NSUN3: variants seen among roughly 807,000 people sequenced by gnomAD.
NSUN3 encodes the protein NOP2/Sun RNA methyltransferase 3, also known as tRNA (cytosine(34)-C(5))-methyltransferase, mitochondrial.
NSUN3 carries 24 observed loss-of-function variants against 36.8 expected under a neutral mutation model. The observed-to-expected ratio is 0.65, with a 90% CI of 0.47 to 0.92. The LOEUF (loss-of-function observed/expected upper bound fraction) is 0.92, where lower values mean the gene tolerates loss of function less well. Ranked by LOEUF, NSUN3 falls within the 40% of genes least tolerant of loss-of-function variation. The pLI is 0.00. For missense variants in NSUN3, 381 were observed against 392.8 expected, an observed-to-expected ratio of 0.97 and a Z score of 0.25; for synonymous variants, 146 against 145.2, an observed-to-expected ratio of 1.01 and a Z score of -0.04.
At chr3:94,079,575 G>T (rs1424334242) in intron 2 of NSUN3, among the ~76,000 whole-genome samples, 1 of 152,102 alleles carries the variant, frequency 6.6e-6, no homozygotes, top group Admixed American at 6.5e-5. Context: ...ATCAAATGTA[G>T]ATTTGGTCTT....
rs1166005167 is a variant in NSUN3, at chr3:94,127,699, CTT to C, written c.*1211_*1212del. ...GAAAATAGCCTTTAAAAAAAAACAACTTTATCTGATTATAGAAATACAAAATT... is the reference window on the plus strand; with the variant it reads ...GAAAATAGCCTTTAAAAAAAAACAACTATCTGATTATAGAAATACAAAATT... On this transcript the variant is annotated 3_prime_UTR_variant, in exon 6 of 6. Coordinates refer to ENST00000314622, the MANE Select transcript of NSUN3 (RefSeq NM_022072.5). 1 of 151,988 alleles carries C rather than the reference CTT, an allele frequency of 6.6e-6. No homozygotes were observed. Among genetic ancestry groups the C allele is most frequent in the East Asian group, 1.9e-4 (1 of 5,188 alleles). The allele number at this position is 151,988 out of a possible 1,614,324, so 9.4% of individuals were successfully genotyped here.
intron 5 of NSUN3, among the ~76,000 whole-genome samples, chr3:94,097,075 G>A (rs569131057): frequency 4.6e-5 from 7 of 151,334 alleles, no homozygotes; most frequent in Admixed American, 1.3e-4. Context: ...ATATTTTATC[G>A]TCTGTTTCCT....
chr3:94,104,804 T>C (rs1002911609), intron 5 of NSUN3, among the ~76,000 whole-genome samples: 2 of 152,190 alleles, frequency 1.3e-5, no homozygotes, highest in East Asian at 1.9e-4. Context: ...TAGGAAGTTA[T>C]GGAATTTTTC....
intron 3 of NSUN3, among the ~76,000 whole-genome samples, chr3:94,091,811 G>A (rs2077316181): frequency 6.6e-6 from 1 of 152,210 alleles, no homozygotes; most frequent in African/African-American, 2.4e-5. Context: ...AACAATGGCA[G>A]GGGTGACTTT....
intron 5 of NSUN3, among the ~76,000 whole-genome samples, chr3:94,116,853 C>A (rs1047383258): frequency 1.3e-5 from 2 of 151,980 alleles, no homozygotes; most frequent in Admixed American, 6.6e-5. Flanking sequence ...TGGAACAATA[C>A]TCCATAATCA....
chr3:94,092,603 A>G lies in NSUN3; in HGVS notation c.467-1537A>G, dbSNP rs192630375. Among the ~76,000 whole-genome samples, 93 of 152,074 alleles carry G rather than the reference A, an allele frequency of 6.1e-4. 1 individual carries two copies. The South Asian group carries it at 0.016, about 26-fold the overall frequency. ...ATGCCATCTCCTGAGTGTCTTCCCTATAGAAATATGGAGCCCTGGGCCTGG... is the reference window on the plus strand; with the variant it reads ...ATGCCATCTCCTGAGTGTCTTCCCTGTAGAAATATGGAGCCCTGGGCCTGG... On this transcript the variant is annotated intron_variant, in intron 3 of 5. Coordinates refer to ENST00000314622, the MANE Select transcript of NSUN3 (RefSeq NM_022072.5).
At chr3:94,112,239 C>T (rs2077420757) in intron 5 of NSUN3, among the ~76,000 whole-genome samples, 1 of 152,208 alleles carries the variant, frequency 6.6e-6, no homozygotes, top group Admixed American at 6.5e-5. Flanking sequence ...CAGAATAATA[C>T]TTGACCAAAT....
At chr3:94,064,652 T>G (rs1576078081) in intron 2 of NSUN3, 106 bp downstream of exon 2, 1 of 658,520 alleles carries the variant, frequency 1.5e-6, no homozygotes, top group Non-Finnish European at 2.6e-6. Flanking sequence ...GGAATCTAAA[T>G]CTGGTTGCCT....
At position 94,128,899 on chromosome 3, in the gene NSUN3, C is replaced by T. The variant is rs1033119810; in HGVS notation, c.*2409C>T. Reference sequence around the variant, plus strand: ...AACAAACATATGAAAAAGTGCTCTTCATCACTAATCATCAGAGAAATGCAA... The same window carrying T: ...AACAAACATATGAAAAAGTGCTCTTTATCACTAATCATCAGAGAAATGCAA... On this transcript the variant is annotated 3_prime_UTR_variant, in exon 6 of 6. Transcript: ENST00000314622. Among the ~76,000 whole-genome samples the T allele has an allele frequency of 1.3e-5, 2 of 152,098 alleles. No homozygotes were observed. Among genetic ancestry groups the T allele is most frequent in the Non-Finnish European group, 2.9e-5 (2 of 68,010 alleles).
intron 5 of NSUN3, among the ~76,000 whole-genome samples, chr3:94,099,566 TC>T (rs1445196312): frequency 2.0e-5 from 3 of 152,284 alleles, no homozygotes; most frequent in African/African-American, 7.2e-5. Context: ...ATTCCCTGCC[TC>T]TGCTTCCTGG....
At chr3:94,067,810 A>G (rs2077211090) in intron 2 of NSUN3, among the ~76,000 whole-genome samples, 1 of 151,974 alleles carries the variant, frequency 6.6e-6, no homozygotes, top group Non-Finnish European at 1.5e-5. Context: ...AACTTGCCCA[A>G]GTATACACAT....
chr3:94,117,265 G>T (rs2107271199), intron 5 of NSUN3, among the ~76,000 whole-genome samples: 1 of 152,150 alleles, frequency 6.6e-6, no homozygotes, highest in South Asian at 2.1e-4. Context: ...CTCCCAAAGT[G>T]CTGGGATTAC....
chr3:94,111,808 T>C (rs1339452624), intron 5 of NSUN3, among the ~76,000 whole-genome samples: 3 of 151,952 alleles, frequency 2.0e-5, no homozygotes. Flanking sequence ...GAAGCTGTTT[T>C]ACAGTTACCT....
chr3:94,102,068 T>C (rs2077368051), intron 5 of NSUN3, among the ~76,000 whole-genome samples: 1 of 151,932 alleles, frequency 6.6e-6, no homozygotes, highest in Non-Finnish European at 1.5e-5. Flanking sequence ...ACAAGTAAAA[T>C]CCAATTTGTG....
intron 1 of NSUN3, 82 bp downstream of exon 1, chr3:94,063,220 G>A: frequency 1.5e-6 from 2 of 1,369,094 alleles, no homozygotes; most frequent in South Asian, 1.2e-5. Flanking sequence ...GAGGGTGCTG[G>A]GATGGGGGAA....
chr3:94,124,926 C>T (rs1014317506), intron 5 of NSUN3, among the ~76,000 whole-genome samples: 3 of 151,986 alleles, frequency 2.0e-5, no homozygotes, highest in African/African-American at 7.3e-5. Context: ...TTCTAGTACT[C>T]CTATTAATTG....
At chr3:94,124,212 G>T (rs2077475888) in intron 5 of NSUN3, among the ~76,000 whole-genome samples, 1 of 136,008 alleles carries the variant, frequency 7.4e-6, no homozygotes, top group African/African-American at 2.8e-5. Context: ...GAGTGAAGTG[G>T]TGTGATCTTG....
chr3:94,108,830 T>C (rs1243926653), intron 5 of NSUN3, among the ~76,000 whole-genome samples: 1 of 152,138 alleles, frequency 6.6e-6, no homozygotes, highest in African/African-American at 2.4e-5. Context: ...AACACCTGGC[T>C]AATTTTTTGT....
At chr3:94,076,958 G>A in intron 2 of NSUN3, 2 of 991,902 alleles carry the variant, frequency 2.0e-6, no homozygotes, top group Non-Finnish European at 3.3e-6. Flanking sequence ...TTCATCCAAT[G>A]TGTGTGTGTA....
Sources: allele counts gnomAD v4.1 joint callset (sites outside exome capture counted in the v4.1 genomes callset), GRCh38; gene constraint gnomAD v4.1.1; transcripts MANE v1.5; gene names NCBI Gene and HGNC (gene_info 2026-07-23, HGNC 2026-07-21).